Variants in CFAP61 observed in about 807,000 individuals in gnomAD.
CFAP61 encodes cilia- and flagella-associated protein 61.
A neutral mutation model predicts 135.6 loss-of-function variants in CFAP61; 107 were observed. The observed-to-expected ratio is 0.79, with a 90% CI of 0.67 to 0.93. The LOEUF is 0.93. Ranked by LOEUF, CFAP61 falls within the 40% of genes least tolerant of loss-of-function variation. The pLI is 0.00. For missense variants in CFAP61, 1,507 were observed against 1,556.2 expected (o/e 0.97, Z 0.53); for synonymous variants, 575 against 578.5 (o/e 0.99, Z 0.09).
intron 5 of CFAP61, 89 bp downstream of exon 5, chr20:20,075,345 G>A (rs2045976869): frequency 1.3e-6 from 2 of 1,484,062 alleles, no homozygotes; most frequent in East Asian, 2.3e-5. Flanking sequence ...AGAAATAAGA[G>A]TGGTCTCCAG....
intron 17 of CFAP61, among the ~76,000 whole-genome samples, chr20:20,216,385 T>C (rs117790667): frequency 0.011 from 1,675 of 152,128 alleles, 13 homozygotes; most frequent in Non-Finnish European, 0.017. Context: ...CTCAGAGGGG[T>C]TTTAGGGAAT....
At chr20:20,204,001 T>C (rs1002299521) in intron 17 of CFAP61, among the ~76,000 whole-genome samples, 2 of 152,156 alleles carry the variant, frequency 1.3e-5, no homozygotes, top group African/African-American at 2.4e-5. Flanking sequence ...ACACAACTGT[T>C]ATTTGTCATA....
intron 25 of CFAP61, among the ~76,000 whole-genome samples, chr20:20,306,541 G>A (rs756669866): frequency 6.6e-6 from 1 of 152,222 alleles, no homozygotes; most frequent in East Asian, 1.9e-4. Context: ...TAACAGGCAA[G>A]ATTTTGTTTT....
At chr20:20,307,553 C>T (rs2056551593) in intron 25 of CFAP61, among the ~76,000 whole-genome samples, 1 of 152,138 alleles carries the variant, frequency 6.6e-6, no homozygotes, top group Non-Finnish European at 1.5e-5. Context: ...GTATTCCCTC[C>T]CCCTCCCAAA....
intron 8 of CFAP61, among the ~76,000 whole-genome samples, chr20:20,100,955 C>T (rs2047979909): frequency 6.6e-6 from 1 of 152,218 alleles, no homozygotes; most frequent in Non-Finnish European, 1.5e-5. Context: ...AACTTATCTT[C>T]TGTGCCTTGT....
At chr20:20,121,912 A>G (rs1600776087) in intron 8 of CFAP61, among the ~76,000 whole-genome samples, 1 of 148,022 alleles carries the variant, frequency 6.8e-6, no homozygotes, top group African/African-American at 2.5e-5. Flanking sequence ...TTTCTCTGGT[A>G]GCATGTTTGA....
chr20:20,348,279 G>A (rs2058702883), intron 26 of CFAP61, among the ~76,000 whole-genome samples: 1 of 152,160 alleles, frequency 6.6e-6, no homozygotes, highest in South Asian at 2.1e-4. Context: ...TTATTAGCAA[G>A]CCAAATCCAG....
intron 8 of CFAP61, among the ~76,000 whole-genome samples, chr20:20,124,399 T>C (rs1424902661): frequency 6.6e-6 from 1 of 151,818 alleles, no homozygotes; most frequent in Non-Finnish European, 1.5e-5. Context: ...TTTTATTACA[T>C]TGAGGTATGT....
At chr20:20,146,874 C>T (rs2051929622) in intron 9 of CFAP61, among the ~76,000 whole-genome samples, 1 of 152,202 alleles carries the variant, frequency 6.6e-6, no homozygotes, top group Non-Finnish European at 1.5e-5. Flanking sequence ...GCAGTGTACA[C>T]TGTACCCAAT....
intron 7 of CFAP61, 35 bp downstream of exon 7, chr20:20,091,011 G>T (rs1395079095): frequency 6.2e-7 from 1 of 1,610,534 alleles, no homozygotes. Flanking sequence ...CACACTTAGT[G>T]AGAGGAAGGA....
At chr20:20,149,242 T>C (rs1428973679) in intron 9 of CFAP61, among the ~76,000 whole-genome samples, 2 of 152,186 alleles carry the variant, frequency 1.3e-5, no homozygotes, top group Non-Finnish European at 2.9e-5. Flanking sequence ...TGGTCTCTCA[T>C]GACAAAAGAC....
At position 20,169,390 on chromosome 20, in the gene CFAP61, A is replaced by C; in HGVS notation, c.1315A>C (p.Lys439Gln). 6.2e-7 allele frequency: 1 copy of C among 1,614,024 alleles called. No homozygotes were observed. Among genetic ancestry groups the C allele is most frequent in the Non-Finnish European group, 8.5e-7 (1 of 1,179,968 alleles). ...GTTCTTCCTCATCCAGAACTTCGTGAAAATGGTCCCTTTCAACACCTGCAC... is the reference window on the plus strand; with the variant it reads ...GTTCTTCCTCATCCAGAACTTCGTGCAAATGGTCCCTTTCAACACCTGCAC... ...PEFFLIQNFV[K>Q]MVPFNTCTLE... The change falls in exon 13 of 27, where the codon AAA becomes CAA. Residue 439 changes from lysine (K) to glutamine (Q), a missense_variant. Transcript: ENST00000245957.
chr20:20,064,426 A>C (rs1352054737), intron 2 of CFAP61, among the ~76,000 whole-genome samples: 1 of 152,098 alleles, frequency 6.6e-6, no homozygotes, highest in Non-Finnish European at 1.5e-5. Flanking sequence ...TACCAGCGTC[A>C]CTACTCTTGC....
intron 18 of CFAP61, among the ~76,000 whole-genome samples, chr20:20,232,201 C>T (rs78896545): frequency 0.024 from 3,618 of 152,162 alleles, 105 homozygotes; most frequent in African/African-American, 0.07. Context: ...GGCGCCACCA[C>T]GGTAGAAACT....
intron 1 of CFAP61, among the ~76,000 whole-genome samples, chr20:20,053,850 T>TA: frequency 1.3e-5 from 2 of 152,286 alleles, no homozygotes; most frequent in East Asian, 3.9e-4. Flanking sequence ...AATGTGTTAC[T>TA]GTAAACAATT....
chr20:20,175,281 C>A (rs976015405), intron 13 of CFAP61, among the ~76,000 whole-genome samples: 2 of 152,216 alleles, frequency 1.3e-5, no homozygotes, highest in African/African-American at 4.8e-5. Flanking sequence ...TACTCAAGGA[C>A]AGTTCTTTCT....
intron 8 of CFAP61, among the ~76,000 whole-genome samples, chr20:20,133,926 G>A (rs546934625): frequency 6.6e-6 from 1 of 152,280 alleles, no homozygotes; most frequent in Non-Finnish European, 1.5e-5. Context: ...AACCCGCCTA[G>A]TATCTTTCTT....
At chr20:20,321,714 G>A (rs1014234375) in intron 25 of CFAP61, among the ~76,000 whole-genome samples, 5 of 152,162 alleles carry the variant, frequency 3.3e-5, no homozygotes, top group African/African-American at 9.7e-5. Flanking sequence ...CCAGATGTAC[G>A]TTGGTCCCAA....
At position 20,104,261 on chromosome 20, in the gene CFAP61, T is replaced by A. The variant is rs190380690; in HGVS notation, c.859+5447T>A. Among the ~76,000 whole-genome samples, 34 of 152,152 alleles carry A rather than the reference T, an allele frequency of 2.2e-4. No individual in the cohort carries two copies. The East Asian group carries it at 2.5e-3, about 11-fold the overall frequency. ...AATATTGCCTTTAACTTTTTTTTTT[T>A]AAATTACTCCTGCTGTCAGGAAATG... is the stretch of plus-strand genomic sequence containing the variant. On this transcript the variant is annotated intron_variant, in intron 8 of 26. Coordinates refer to ENST00000245957, the MANE Select transcript of CFAP61 (RefSeq NM_015585.4).
Sources: gnomAD v4.1 joint callset for allele counts (sites outside exome capture counted in the v4.1 genomes callset) on GRCh38, gnomAD v4.1.1 for gene constraint, MANE v1.5 for transcripts, NCBI Gene and HGNC (gene_info 2026-07-23, HGNC 2026-07-21) for gene names.